The following RAB38 variants were observed in gnomAD, a reference collection of about 807,000 sequenced individuals.
RAB38 encodes the protein ras-related protein Rab-38.
RAB38 carries 15 observed loss-of-function variants against 18.4 expected under a neutral mutation model. That is an observed-to-expected ratio of 0.82 (90% confidence interval 0.55 to 1.26). RAB38 has a LOEUF of 1.26. Ranked by LOEUF, RAB38 falls within the 50% of genes most tolerant of loss-of-function variation. The pLI, the probability that RAB38 is intolerant of heterozygous loss-of-function variation, is 0.00. For synonymous variants in RAB38, 101 were observed against 104.4 expected (o/e 0.97, Z 0.20); for missense variants, 294 against 267.4 (o/e 1.10, Z -0.69).
chr11:88,042,769 C>G, the RAB38 span, among the ~76,000 whole-genome samples: 1 of 152,168 alleles, frequency 6.6e-6, no homozygotes, highest in Non-Finnish European at 1.5e-5. Flanking sequence ...ACCAAGGGTT[C>G]ATAAAATAGG....
the RAB38 span, among the ~76,000 whole-genome samples, chr11:87,893,390 A>ATTTTTTTTT: frequency 9.6e-5 from 9 of 93,890 alleles, no homozygotes; most frequent in South Asian, 4.0e-4. Flanking sequence ...ATATATATAT[A>ATTTTTTTTT]TTTTTTTTTT....
chr11:88,055,383 A>T, the RAB38 span, among the ~76,000 whole-genome samples: 1 of 152,246 alleles, frequency 6.6e-6, no homozygotes, highest in Non-Finnish European at 1.5e-5. Context: ...CAATATTCAT[A>T]AAGCAACAGA....
At chr11:87,815,433 A>G in the RAB38 span, 1 of 152,206 alleles carries the variant, frequency 6.6e-6, no homozygotes, top group Non-Finnish European at 1.5e-5. Flanking sequence ...AGGCGAAAAT[A>G]GTACTAAAAT....
intron 1 of RAB38, among the ~76,000 whole-genome samples, chr11:88,160,961 A>G (rs1943183240): frequency 1.3e-5 from 2 of 151,992 alleles, no homozygotes; most frequent in African/African-American, 2.4e-5. Context: ...ATAAACCTGC[A>G]TATGTATCCC....
the RAB38 span, among the ~76,000 whole-genome samples, chr11:88,006,416 T>C: frequency 1.3e-5 from 2 of 151,354 alleles, no homozygotes; most frequent in Non-Finnish European, 3.0e-5. Flanking sequence ...AGAAATCTCA[T>C]TACATTTGGG....
chr11:87,953,466 T>TATTTTTAATATA, the RAB38 span, among the ~76,000 whole-genome samples: 1 of 152,202 alleles, frequency 6.6e-6, no homozygotes, highest in East Asian at 1.9e-4. Context: ...TATATTTAAC[T>TATTTTTAATATA]GTGGTCTGAA....
the RAB38 span, among the ~76,000 whole-genome samples, chr11:87,852,092 G>A: frequency 3.4e-5 from 5 of 145,518 alleles, no homozygotes; most frequent in Non-Finnish European, 7.5e-5. Context: ...GAACTTAGTA[G>A]GGTCTTTTTG....
intron 1 of RAB38, among the ~76,000 whole-genome samples, chr11:88,164,256 C>CGGCGGGGGGGGGGGGG (rs1318397492): frequency 1.4e-4 from 15 of 109,070 alleles, no homozygotes; most frequent in Admixed American, 3.7e-4. Flanking sequence ...AAGGTGCTCT[C>CGGCGGGGGGGGGGGGG]GGTGGGGGGG....
the RAB38 span, among the ~76,000 whole-genome samples, chr11:87,949,576 T>G: frequency 6.6e-6 from 1 of 151,988 alleles, no homozygotes; most frequent in Non-Finnish European, 1.5e-5. Flanking sequence ...TCCCAGAGAT[T>G]GTGGTATGTT....
chr11:87,875,590 G>A, the RAB38 span, among the ~76,000 whole-genome samples: 3 of 151,212 alleles, frequency 2.0e-5, no homozygotes, highest in African/African-American at 7.3e-5. Context: ...GTAGTACTGA[G>A]TATTATAGTT....
At chr11:87,811,612 G>T in the RAB38 span, among the ~76,000 whole-genome samples, 1 of 152,034 alleles carries the variant, frequency 6.6e-6, no homozygotes, top group Non-Finnish European at 1.5e-5. Context: ...AGGGGCTGCT[G>T]CTCTCAGTTG....
At chr11:88,057,438 C>G in the RAB38 span, among the ~76,000 whole-genome samples, 3 of 151,768 alleles carry the variant, frequency 2.0e-5, no homozygotes, top group African/African-American at 7.3e-5. Context: ...CTTGATTTTC[C>G]TGGGCCTTAC....
downstream of RAB38, among the ~76,000 whole-genome samples, chr11:88,111,596 C>A (rs1799862474): frequency 6.6e-6 from 1 of 152,186 alleles, no homozygotes; most frequent in African/African-American, 2.4e-5. Context: ...TTATTTCCAT[C>A]TTTTGGTCCT....
the RAB38 span, among the ~76,000 whole-genome samples, chr11:87,931,544 C>T: frequency 0.054 from 8,289 of 152,092 alleles, 317 homozygotes; most frequent in Non-Finnish European, 0.085. Flanking sequence ...CCACTGGCCA[C>T]CAGGTACCAT....
intron 2 of RAB38, among the ~76,000 whole-genome samples, chr11:88,132,357 A>G (rs61909931): frequency 0.17 from 25,543 of 152,142 alleles, 2,196 homozygotes; most frequent in Middle Eastern, 0.23. Context: ...ATACCTCAAG[A>G]CTTGTTTCAT....
chr11:88,023,583 A>C, the RAB38 span, among the ~76,000 whole-genome samples: 1 of 152,120 alleles, frequency 6.6e-6, no homozygotes, highest in African/African-American at 2.4e-5. Flanking sequence ...AAGGACCAGA[A>C]TAGCCAAAAC....
the RAB38 span, among the ~76,000 whole-genome samples, chr11:88,046,762 A>T: frequency 0.39 from 59,502 of 152,038 alleles, 13,262 homozygotes; most frequent in Non-Finnish European, 0.5. Context: ...TGGTTTTGCC[A>T]TCGTAATAAA....
At chr11:88,163,019 A>T (rs1164894827) in intron 1 of RAB38, among the ~76,000 whole-genome samples, 2 of 152,040 alleles carry the variant, frequency 1.3e-5, no homozygotes, top group Non-Finnish European at 2.9e-5. Context: ...ACTCACACTC[A>T]TCTCTTCACT....
chr11:88,014,327 G>C, the RAB38 span, among the ~76,000 whole-genome samples: 1 of 152,032 alleles, frequency 6.6e-6, no homozygotes, highest in Non-Finnish European at 1.5e-5. Flanking sequence ...GATATGCCTG[G>C]TCTCAACCCA....
Sources: allele counts gnomAD v4.1 joint callset (sites outside exome capture counted in the v4.1 genomes callset), GRCh38; gene constraint gnomAD v4.1.1; transcripts MANE v1.5; gene names NCBI Gene and HGNC (gene_info 2026-07-23, HGNC 2026-07-21).